The following RNLS variants were observed in gnomAD, a reference collection of about 807,000 sequenced individuals.
The protein encoded by RNLS is renalase, FAD dependent amine oxidase.
RNLS carries 39 observed loss-of-function variants against 39.8 expected under a neutral mutation model. The observed-to-expected ratio is 0.98, with a 90% CI of 0.76 to 1.28. The LOEUF (loss-of-function observed/expected upper bound fraction) is 1.28, where lower values mean the gene tolerates loss of function less well. Ranked by LOEUF, RNLS falls within the 50% of genes most tolerant of loss-of-function variation. The pLI, the probability that RNLS is intolerant of heterozygous loss-of-function variation, is 0.00. For missense variants in RNLS, 410 were observed against 413.3 expected, an observed-to-expected ratio of 0.99 and a Z score of 0.07; for synonymous variants, 147 against 150.7, an observed-to-expected ratio of 0.98 and a Z score of 0.18.
chr10:88,222,596 C>CT, the RNLS span, among the ~76,000 whole-genome samples: 3 of 151,986 alleles, frequency 2.0e-5, no homozygotes, highest in Non-Finnish European at 4.4e-5. Flanking sequence ...CGGAATATTG[C>CT]TTTTTTTATT....
At chr10:88,311,100 A>G (rs1039407323) in intron 6 of RNLS, among the ~76,000 whole-genome samples, 1 of 152,188 alleles carries the variant, frequency 6.6e-6, no homozygotes, top group African/African-American at 2.4e-5. Context: ...AGGTAAGGAA[A>G]AGGGCCACTC....
At chr10:88,395,877 A>G (rs1028771352) in intron 4 of RNLS, among the ~76,000 whole-genome samples, 1 of 152,116 alleles carries the variant, frequency 6.6e-6, no homozygotes, top group Non-Finnish European at 1.5e-5. Context: ...GGGATTCTCA[A>G]TAGGATTAGC....
At chr10:88,282,537 G>C (rs1002839282), downstream of RNLS, among the ~76,000 whole-genome samples, 8 of 148,406 alleles carry the variant, frequency 5.4e-5, no homozygotes, top group Non-Finnish European at 1.2e-4. Flanking sequence ...GCTTGGATGA[G>C]TATAAAATGC....
intron 4 of RNLS, among the ~76,000 whole-genome samples, chr10:88,572,527 G>A (rs1408298935): frequency 6.6e-6 from 1 of 152,112 alleles, no homozygotes. Context: ...CAATTAGAGA[G>A]CAACCCAGAG....
the RNLS span, among the ~76,000 whole-genome samples, chr10:88,256,012 TAGAA>T: frequency 6.6e-6 from 1 of 152,066 alleles, no homozygotes; most frequent in African/African-American, 2.4e-5. Context: ...GTAGCTGGAG[TAGAA>T]AGGCAGCTCA....
At position 88,419,162 on chromosome 10, in the gene RNLS, T is replaced by C. The variant is rs140771999; in HGVS notation, c.527-56437A>G. Among the ~76,000 whole-genome samples, 40 of 152,314 alleles carry C rather than the reference T, an allele frequency of 2.6e-4. 1 individual carries two copies. The East Asian group carries it at 7.3e-3, about 28-fold the overall frequency. On this transcript the variant is annotated intron_variant, in intron 4 of 6. Coordinates refer to ENST00000331772, the MANE Select transcript of RNLS (RefSeq NM_001031709.3). ...GGTTCATATGGTGCAAAGTGGGGCA[T>C]TAGCAGCCCCCTCCCACCCACAGAC...
At chr10:88,519,528 G>C (rs1055495316) in intron 4 of RNLS, among the ~76,000 whole-genome samples, 1 of 150,436 alleles carries the variant, frequency 6.6e-6, no homozygotes, top group Admixed American at 6.7e-5. Flanking sequence ...CAGAAAAAAG[G>C]CTTCCACTAA....
At chr10:88,297,515 AC>A (rs1844178113) in intron 6 of RNLS, among the ~76,000 whole-genome samples, 1 of 152,036 alleles carries the variant, frequency 6.6e-6, no homozygotes, top group Admixed American at 6.6e-5. Flanking sequence ...GCAATTAGTG[AC>A]CGGTAAACAC....
intron 3 of RNLS, among the ~76,000 whole-genome samples, chr10:88,575,138 ATATATATAT>A (rs1384993896): frequency 6.4e-5 from 2 of 31,458 alleles, no homozygotes; most frequent in Non-Finnish European, 9.5e-5. Context: ...ATATATATAT[ATATATATAT>A]ATATATATAT....
chr10:88,479,253 A>G (rs1418873020), intron 4 of RNLS, among the ~76,000 whole-genome samples: 2 of 152,206 alleles, frequency 1.3e-5, no homozygotes, highest in Non-Finnish European at 2.9e-5. Context: ...TTTGAGGCCA[A>G]TATTCCCTTA....
At chr10:88,571,883 C>T (rs918479908) in intron 4 of RNLS, among the ~76,000 whole-genome samples, 1 of 152,200 alleles carries the variant, frequency 6.6e-6, no homozygotes, top group Admixed American at 6.5e-5. Context: ...GGCTTACTAT[C>T]TTCTCCTTCC....
the RNLS span, among the ~76,000 whole-genome samples, chr10:88,249,318 T>G: frequency 4.0e-3 from 605 of 152,334 alleles, 5 homozygotes; most frequent in African/African-American, 0.014. Context: ...GTGGTAGAAC[T>G]GCATTACCTG....
rs964532358 is a variant in RNLS, at chr10:88,566,227, A to C, written c.526+6676T>G. 1.5e-4 allele frequency among the ~76,000 whole-genome samples: 23 copies of C among 151,994 alleles called. No homozygotes were observed. In the East Asian group the frequency reaches 4.4e-3, roughly 29 times the overall value. On this transcript the variant is annotated intron_variant, in intron 4 of 6. Coordinates refer to ENST00000331772, the MANE Select transcript of RNLS (RefSeq NM_001031709.3). The stretch of plus-strand genomic sequence containing the variant: ...ATACTTTAATCTTCTTTCCAAGTTA[A>C]AAATATTTATAAATATTTCTGTTAA...
chr10:88,185,944 G>T, the RNLS span, among the ~76,000 whole-genome samples: 2 of 152,102 alleles, frequency 1.3e-5, no homozygotes, highest in Non-Finnish European at 2.9e-5. Flanking sequence ...CTCACCAAGG[G>T]TCTGTTAATA....
At chr10:88,510,974 A>G (rs1846085669) in intron 4 of RNLS, among the ~76,000 whole-genome samples, 2 of 151,134 alleles carry the variant, frequency 1.3e-5, no homozygotes, top group Non-Finnish European at 2.9e-5. Flanking sequence ...CATCCACGTA[A>G]GAAGACAATA....
intron 4 of RNLS, among the ~76,000 whole-genome samples, chr10:88,483,074 T>C (rs1844292166): frequency 6.6e-6 from 1 of 152,154 alleles, no homozygotes; most frequent in Non-Finnish European, 1.5e-5. Flanking sequence ...GTTACCCTTC[T>C]GACTGTATAG....
At chr10:88,506,282 T>C (rs1468327941) in intron 4 of RNLS, among the ~76,000 whole-genome samples, 3 of 152,118 alleles carry the variant, frequency 2.0e-5, no homozygotes, top group South Asian at 2.1e-4. Flanking sequence ...TAGATTTTAA[T>C]TGGATCCTGA....
chr10:88,337,643 A>G (rs1589588199), intron 5 of RNLS, among the ~76,000 whole-genome samples: 1 of 152,244 alleles, frequency 6.6e-6, no homozygotes, highest in South Asian at 2.1e-4. Context: ...AATGCAGCAG[A>G]AAGTAGAGTC....
At chr10:88,559,618 C>G (rs963550848) in intron 4 of RNLS, among the ~76,000 whole-genome samples, 8 of 152,220 alleles carry the variant, frequency 5.3e-5, no homozygotes, top group Middle Eastern at 3.4e-3. Context: ...GCACTCTCTC[C>G]CTTTCCCACT....
Sources: gnomAD v4.1 joint callset for allele counts (sites outside exome capture counted in the v4.1 genomes callset) on GRCh38, gnomAD v4.1.1 for gene constraint, MANE v1.5 for transcripts, NCBI Gene and HGNC (gene_info 2026-07-23, HGNC 2026-07-21) for gene names.